Variants in WDR41 observed in about 807,000 individuals in gnomAD.
WDR41 encodes the protein WD repeat-containing protein 41.
WDR41 carries 63 observed loss-of-function variants against 69.3 expected under a neutral mutation model. The observed-to-expected ratio is 0.91, with a 90% CI of 0.74 to 1.12. The LOEUF (loss-of-function observed/expected upper bound fraction) is 1.12, where lower values mean the gene tolerates loss of function less well. Among genes scored for constraint, WDR41 ranks in the 50% most tolerant of loss-of-function variants. The pLI, the probability that WDR41 is intolerant of heterozygous loss-of-function variation, is 0.00. For synonymous variants in WDR41, 185 were observed against 192.1 expected, an observed-to-expected ratio of 0.96 and a Z score of 0.31; for missense variants, 543 against 534.5, an observed-to-expected ratio of 1.02 and a Z score of -0.16.
intron 2 of WDR41, among the ~76,000 whole-genome samples, chr5:77,478,647 A>T (rs1271651007): frequency 6.6e-6 from 1 of 152,210 alleles, no homozygotes; most frequent in Non-Finnish European, 1.5e-5. Flanking sequence ...AAAAATTCTC[A>T]ATAAATTAGG....
rs57749416 is a variant in WDR41 at position 77,551,980 on chromosome 5, A to AAAAATAAAATAAAATAAAAT, written c.43-62428_43-62409dup. On this transcript the variant is annotated intron_variant, in intron 1 of 5. Coordinates refer to the WDR41 transcript ENST00000509971. ...GGCAACAGAGCAAGACTCTGTCTCA[A>AAAAATAAAATAAAATAAAAT]AAAATAAAATAAAATAAAATAAAAT... Among the ~76,000 whole-genome samples, 23 of 93,498 alleles carry AAAAATAAAATAAAATAAAAT rather than the reference A, an allele frequency of 2.5e-4. 1 individual carries two copies. The highest frequency in any genetic ancestry group is 7.6e-4 in the South Asian group (2 of 2,642). The allele number at this position is 93,498 out of a possible 152,430, so 61.3% of individuals were successfully genotyped here.
chr5:77,531,998 A>G (rs947251165), intron 1 of WDR41, among the ~76,000 whole-genome samples: 1 of 152,002 alleles, frequency 6.6e-6, no homozygotes, highest in Admixed American at 6.6e-5. Flanking sequence ...TTTTATTTTG[A>G]GATGATGAAA....
chr5:77,433,214 C>T lies in WDR41; in HGVS notation c.1301G>A (p.Gly434Glu). Reference sequence around the variant, plus strand: ...ACTGCGCAATCCAGATTCTCGCTCTCCATTTTTCCACAAAATAATGAGATG... The same window carrying T: ...ACTGCGCAATCCAGATTCTCGCTCTTCATTTTTCCACAAAATAATGAGATG... ...ADHLIILWKN[G>E]ERESGLRSLR... The change falls in exon 13 of 13, where the codon GGA (glycine) becomes GAA (glutamate). Residue 434 changes from glycine to glutamate, a missense_variant. Transcript: ENST00000296679. 6.2e-7 allele frequency: 1 copy of T among 1,614,032 alleles called. No homozygotes were observed. The highest frequency in any genetic ancestry group is 1.1e-5 in the South Asian group (1 of 91,060).
At chr5:77,535,678 T>A (rs1742960103) in intron 1 of WDR41, among the ~76,000 whole-genome samples, 1 of 152,200 alleles carries the variant, frequency 6.6e-6, no homozygotes, top group Non-Finnish European at 1.5e-5. Context: ...TATCCTGGAC[T>A]CACAAAAACC....
chr5:77,583,345 T>G (rs1039843909), intron 1 of WDR41, among the ~76,000 whole-genome samples: 8 of 149,128 alleles, frequency 5.4e-5, no homozygotes, highest in Non-Finnish European at 1.2e-4. Context: ...TGAAACTCCA[T>G]CTCTAAAAAA....
chr5:77,493,579 G>A (rs115498457), upstream of WDR41, among the ~76,000 whole-genome samples: 429 of 152,192 alleles, frequency 2.8e-3, 2 homozygotes, highest in African/African-American at 9.3e-3. Flanking sequence ...GAGTGCACTC[G>A]GCAAGAACAC....
At chr5:77,506,392 T>C (rs1356561765) in intron 1 of WDR41, among the ~76,000 whole-genome samples, 1 of 152,128 alleles carries the variant, frequency 6.6e-6, no homozygotes, top group Non-Finnish European at 1.5e-5. Flanking sequence ...AAACAACAAA[T>C]GCTGGAGAGG....
chr5:77,590,350 C>T (rs1051624281), intron 1 of WDR41, among the ~76,000 whole-genome samples: 1 of 152,100 alleles, frequency 6.6e-6, no homozygotes, highest in African/African-American at 2.4e-5. Context: ...GCATATAACA[C>T]CCAACAGGAT....
At chr5:77,510,228 G>C (rs925399679) in intron 1 of WDR41, among the ~76,000 whole-genome samples, 2 of 152,214 alleles carry the variant, frequency 1.3e-5, no homozygotes, top group Non-Finnish European at 2.9e-5. Context: ...AGCAGGCAAA[G>C]AGAGAGCTTG....
intron 4 of WDR41, among the ~76,000 whole-genome samples, chr5:77,459,978 G>C (rs940811241): frequency 2.0e-5 from 3 of 152,036 alleles, no homozygotes; most frequent in African/African-American, 7.2e-5. Flanking sequence ...ACTTATATGT[G>C]CTCAGAACAC....
intron 8 of WDR41, among the ~76,000 whole-genome samples, chr5:77,442,910 A>AAAAAAAAAAAAAAAAAAAG (rs1200754365): frequency 6.7e-6 from 1 of 148,176 alleles, no homozygotes; most frequent in African/African-American, 2.5e-5. Flanking sequence ...AAAAAAAAAA[A>AAAAAAAAAAAAAAAAAAAG]AAAGGATTTT....
At chr5:77,454,580 C>G in intron 5 of WDR41, among the ~76,000 whole-genome samples, 1 of 152,190 alleles carries the variant, frequency 6.6e-6, no homozygotes, top group East Asian at 1.9e-4. Context: ...CTTCTCAATT[C>G]TATACATTTG....
intron 2 of WDR41, among the ~76,000 whole-genome samples, chr5:77,472,687 A>G (rs1800684134): frequency 6.6e-6 from 1 of 152,040 alleles, no homozygotes; most frequent in African/African-American, 2.4e-5. Context: ...CAAAGAGAAT[A>G]AAATACCTAG....
chr5:77,536,280 C>T (rs73126014), intron 1 of WDR41, among the ~76,000 whole-genome samples: 14,872 of 151,734 alleles, frequency 0.098, 1,552 homozygotes, highest in African/African-American at 0.26. Context: ...TGCTAGGTGC[C>T]GGGGACCTAT....
At chr5:77,549,406 A>T (rs1469954766) in intron 1 of WDR41, among the ~76,000 whole-genome samples, 1 of 152,216 alleles carries the variant, frequency 6.6e-6, no homozygotes, top group Non-Finnish European at 1.5e-5. Flanking sequence ...CCTCCGGGAA[A>T]GTTTCAGGAC....
At chr5:77,592,619 G>A (rs1390724250) in intron 1 of WDR41, among the ~76,000 whole-genome samples, 2 of 152,114 alleles carry the variant, frequency 1.3e-5, no homozygotes, top group East Asian at 1.9e-4. Flanking sequence ...GGGCAACAGA[G>A]GTGTCCAAGA....
intron 1 of WDR41, among the ~76,000 whole-genome samples, chr5:77,500,428 C>T (rs554297042): frequency 6.6e-6 from 1 of 151,914 alleles, no homozygotes; most frequent in African/African-American, 2.4e-5. Context: ...ATTAATAAGC[C>T]ACTAGCAAGA....
At chr5:77,435,778 T>C (rs1798916312) in intron 12 of WDR41, among the ~76,000 whole-genome samples, 1 of 152,230 alleles carries the variant, frequency 6.6e-6, no homozygotes, top group South Asian at 2.1e-4. Context: ...CAACTAAAAC[T>C]TTCATATTTG....
In WDR41 at chr5:77,438,227, T is replaced by C. The variant is rs770569468; in HGVS notation, c.1004+13A>G. On this transcript the variant is annotated intron_variant, in intron 10 of 12. Transcript: ENST00000296679. ...TTGCTTTCATCTATTGCAGAACAGA[T>C]GGGAACTTGTACCTGTTTGGAAGTC... is the stretch of plus-strand genomic sequence containing the variant. 20 of 1,613,688 alleles carry C rather than the reference T, an allele frequency of 1.2e-5. No individual in the cohort carries two copies. Among genetic ancestry groups the C allele is most frequent in the Admixed American group, 1.7e-5 (1 of 59,996 alleles).
Sources: gnomAD v4.1 joint callset for allele counts (sites outside exome capture counted in the v4.1 genomes callset) on GRCh38, gnomAD v4.1.1 for gene constraint, MANE v1.5 for transcripts, NCBI Gene and HGNC (gene_info 2026-07-23, HGNC 2026-07-21) for gene names.